ZC3H7A: variants seen among roughly 807,000 people sequenced by gnomAD.
The protein encoded by ZC3H7A is zinc finger CCCH domain-containing protein 7A.
ZC3H7A carries 44 observed loss-of-function variants against 125.5 expected under a neutral mutation model. The ratio of observed to expected loss-of-function variants is 0.35; its 90% CI spans 0.28 to 0.45. The LOEUF (loss-of-function observed/expected upper bound fraction) is 0.45, where lower values mean the gene tolerates loss of function less well. Ranked by LOEUF, ZC3H7A falls within the 20% of genes least tolerant of loss-of-function variation. The pLI, the probability that ZC3H7A is intolerant of heterozygous loss-of-function variation, is 1.00. For synonymous variants in ZC3H7A, 399 were observed against 391.2 expected (o/e 1.02, Z -0.23); for missense variants, 977 against 1,170.7 (o/e 0.83, Z 2.41).
At position 11,756,346 on chromosome 16, in the gene ZC3H7A, T is replaced by A; in HGVS notation, c.2453A>T (p.Glu818Val). ...NGIQDMEQFY[E>V]LWLKSQKNEK... is the part of the protein sequence containing the mutation. ...ATTTTTTTGACTCTTGAGCCATAGT[T>A]CGTAAAATTGCTCCATATCTTGTAC... Residue 818 changes from glutamate to valine, a missense_variant, in exon 21 of 23, where the codon GAA becomes GTA. Physicochemically the swap from Glu to Val is moderately radical, Grantham distance 121 (BLOSUM62 -2). This residue lies in a region of ZC3H7A where 436 missense variants were observed against 603.2 expected (regional missense o/e 0.72). Transcript: ENST00000355758. The A allele has an allele frequency of 6.2e-7, 1 of 1,613,670 alleles. No individual in the cohort carries two copies. The highest frequency in any genetic ancestry group is 8.5e-7 in the Non-Finnish European group (1 of 1,179,898).
intron 3 of ZC3H7A, among the ~76,000 whole-genome samples, 196 bp downstream of exon 3, chr16:11,781,229 G>A (rs533876649): frequency 1.3e-5 from 2 of 152,248 alleles, no homozygotes; most frequent in African/African-American, 4.8e-5. Context: ...AGCAGCCACA[G>A]ATAATACATA....
rs988000126 is a variant in ZC3H7A, at chr16:11,765,418, A to G, written c.1719+71T>C. 3 of 1,092,484 alleles carry G rather than the reference A, an allele frequency of 2.7e-6. No individual in the cohort carries two copies. The highest frequency in any genetic ancestry group is 3.8e-6 in the Non-Finnish European group (3 of 781,228). The allele number at this position is 1,092,484 out of a possible 1,614,324, so 67.7% of individuals were successfully genotyped here. The stretch of plus-strand genomic sequence containing the variant: ...TCATTTACCAAGTGAATGTTTTATC[A>G]CATGGCAGGACAATACCACTGGGCT... On this transcript the variant is annotated intron_variant, in intron 14 of 22. Transcript: ENST00000355758. This position sits in a 1 kb window ranked among gnomAD's most constrained non-coding sequence, Gnocchi z 4.8.
chr16:11,796,247 C>A (rs1164299897), intron 1 of ZC3H7A: 1 of 152,190 alleles, frequency 6.6e-6, no homozygotes, highest in African/African-American at 2.4e-5. Flanking sequence ...TCTTTCTCAT[C>A]CGAAGTTTTT....
chr16:11,768,608 C>T, intron 11 of ZC3H7A, 107 bp from the exon 12 acceptor site: 1 of 1,027,790 alleles, frequency 9.7e-7, no homozygotes, highest in Non-Finnish European at 1.3e-6. Flanking sequence ...TCTTCATAAA[C>T]TGAGGTCAGT....
In ZC3H7A at chr16:11,787,951, GA is replaced by G. The variant is rs931162790; in HGVS notation, c.-34-5564del. 2.3e-3 allele frequency among the ~76,000 whole-genome samples: 294 copies of G among 130,610 alleles called. 1 individual carries two copies. The highest frequency in any genetic ancestry group is 6.7e-3 in the African/African-American group (238 of 35,448). The allele number at this position is 130,610 out of a possible 152,430, so 85.7% of individuals were successfully genotyped here. A position where few individuals can be genotyped will look rare whatever the true frequency, so the allele number is the denominator to read the frequency against. On this transcript the variant is annotated intron_variant, in intron 1 of 22. Transcript: ENST00000355758. ...ACAAGAGCAAGACTTCGTTTCCAAA[GA>G]AAAAAAAAAAAGCACAGGGATTACA... is the stretch of plus-strand genomic sequence containing the variant.
intron 1 of ZC3H7A, chr16:11,796,379 T>C (rs2053436967): frequency 6.6e-6 from 1 of 152,306 alleles, no homozygotes; most frequent in African/African-American, 2.4e-5. Flanking sequence ...AGGTCCTTCG[T>C]GGTTCAATAC....
At chr16:11,796,683 G>T (rs552169182) in intron 1 of ZC3H7A, among the ~76,000 whole-genome samples, 7 of 152,196 alleles carry the variant, frequency 4.6e-5, no homozygotes, top group African/African-American at 1.7e-4. Context: ...AGAAAGGGGG[G>T]TAAAAAAGAC....
rs577830888 is a variant in ZC3H7A, at chr16:11,771,477, T to A, written c.904-490A>T. On this transcript the variant is annotated intron_variant, in intron 9 of 22. Coordinates refer to ENST00000355758, the MANE Select transcript of ZC3H7A (RefSeq NM_014153.4). ...TACAGAACTTCTTTTCAAGAATAAT[T>A]TTTAAAAACAATTGAGGTGGGATGT... Among the ~76,000 whole-genome samples, 26 of 152,222 alleles carry A rather than the reference T, an allele frequency of 1.7e-4. No individual in the cohort carries two copies. The South Asian group carries it at 5.0e-3, about 29-fold the overall frequency.
At position 11,776,432 on chromosome 16, in the gene ZC3H7A, T is replaced by A. The variant is rs377207336; in HGVS notation, c.546+20A>T. Reference sequence around the variant, plus strand: ...TCTAAAACAAAATGAAAACACCTTATGCAGAGAACTCCAGCTTACCTCAGC... The same window carrying A: ...TCTAAAACAAAATGAAAACACCTTAAGCAGAGAACTCCAGCTTACCTCAGC... On this transcript the variant is annotated intron_variant, in intron 6 of 22. Transcript: ENST00000355758. The A allele has an allele frequency of 6.2e-7, 1 of 1,605,588 alleles. No individual in the cohort carries two copies. The highest frequency in any genetic ancestry group is 8.5e-7 in the Non-Finnish European group (1 of 1,177,706).
chr16:11,784,854 CAA>C (rs536349199), intron 1 of ZC3H7A, among the ~76,000 whole-genome samples: 17 of 59,958 alleles, frequency 2.8e-4, no homozygotes, highest in Admixed American at 1.0e-3. Flanking sequence ...CACTCCATCT[CAA>C]AAAAAAAAAA....
At chr16:11,770,702 T>G (rs1277528899) in intron 10 of ZC3H7A, 81 bp downstream of exon 10, 1 of 1,252,768 alleles carries the variant, frequency 8.0e-7, no homozygotes, top group Non-Finnish European at 1.1e-6. Flanking sequence ...CTACCTAGAG[T>G]CAGTTAAATA....
At chr16:11,795,194 G>A (rs563001364) in intron 1 of ZC3H7A, among the ~76,000 whole-genome samples, 2 of 152,288 alleles carry the variant, frequency 1.3e-5, no homozygotes, top group South Asian at 2.1e-4. Flanking sequence ...ATTAGGACAA[G>A]ACCCATTGTG....
At chr16:11,777,204 C>T (rs183101154) in intron 4 of ZC3H7A, among the ~76,000 whole-genome samples, 30 of 152,248 alleles carry the variant, frequency 2.0e-4, no homozygotes, top group Admixed American at 8.5e-4. Flanking sequence ...AACTGATGTC[C>T]CCATGTGTCC....
chr16:11,785,297 C>A (rs1455410561), intron 1 of ZC3H7A, among the ~76,000 whole-genome samples: 1 of 151,754 alleles, frequency 6.6e-6, no homozygotes, highest in Non-Finnish European at 1.5e-5. Flanking sequence ...TACAATCATG[C>A]CAGTGCACTC....
intron 9 of ZC3H7A, among the ~76,000 whole-genome samples, chr16:11,773,215 G>A (rs1268089015): frequency 6.6e-6 from 1 of 151,846 alleles, no homozygotes; most frequent in African/African-American, 2.4e-5. Flanking sequence ...GGGTCTCGCT[G>A]TGTTGCCCAG....
chr16:11,785,516 T>C lies in ZC3H7A; in HGVS notation c.-34-3128A>G, dbSNP rs147488684. Among the ~76,000 whole-genome samples the C allele has an allele frequency of 3.5e-4, 53 of 151,714 alleles. No individual in the cohort carries two copies. The East Asian group carries it at 9.1e-3, about 26-fold the overall frequency. ...GTGAGACCCTGTCTCAAAAATAATATTTTTTTAAAAAAACTAACCCAGTGT... is the reference window on the plus strand; with the variant it reads ...GTGAGACCCTGTCTCAAAAATAATACTTTTTTAAAAAAACTAACCCAGTGT... On this transcript the variant is annotated intron_variant, in intron 1 of 22. Coordinates refer to ENST00000355758, the MANE Select transcript of ZC3H7A (RefSeq NM_014153.4).
chr16:11,776,250 C>A, intron 7 of ZC3H7A, 70 bp downstream of exon 7: 1 of 1,473,270 alleles, frequency 6.8e-7, no homozygotes, highest in Non-Finnish European at 9.2e-7. Context: ...ACCAAAAATA[C>A]TAAAAGTAGA....
At position 11,750,753 on chromosome 16, in the gene ZC3H7A, T is replaced by C. The variant is rs1420760109; in HGVS notation, c.*564A>G. ...TTCAAAATATTCTCAATGCACATTA[T>C]CCTTAATTCCCTTATTATAGTGAAA... On this transcript the variant is annotated 3_prime_UTR_variant, in exon 23 of 23. Coordinates refer to ENST00000355758, the MANE Select transcript of ZC3H7A (RefSeq NM_014153.4). 2.0e-5 allele frequency: 3 copies of C among 152,684 alleles called. No homozygotes were observed. The highest frequency in any genetic ancestry group is 2.0e-4 in the Admixed American group (3 of 15,274). The allele number at this position is 152,684 out of a possible 1,614,324, so 9.5% of individuals were successfully genotyped here. A position where few individuals can be genotyped will look rare whatever the true frequency, so the allele number is the denominator to read the frequency against.
chr16:11,756,211 G>A, intron 21 of ZC3H7A, 26 bp downstream of exon 21: 12 of 1,589,720 alleles, frequency 7.5e-6, no homozygotes, highest in Non-Finnish European at 1.0e-5. Flanking sequence ...TCGGCAAAGA[G>A]AGGGTAAATG....
Sources: gnomAD v4.1 joint callset for allele counts (sites outside exome capture counted in the v4.1 genomes callset) on GRCh38, gnomAD v4.1.1 for gene constraint, gnomAD v4.1.1 regional missense constraint, Gnocchi (gnomAD v3.1) non-coding constraint, MANE v1.5 for transcripts, NCBI Gene and HGNC (gene_info 2026-07-23, HGNC 2026-07-21) for gene names.